ANXA1: variants seen among roughly 807,000 people sequenced by gnomAD.
ANXA1 encodes the protein annexin I (lipocortin I).
A neutral mutation model predicts 47.9 loss-of-function variants in ANXA1; 39 were observed. The observed-to-expected ratio is 0.81, with a 90% CI of 0.63 to 1.06. ANXA1 has a LOEUF of 1.06. Among genes scored for constraint, ANXA1 ranks in the 50% least tolerant of loss-of-function variants. The pLI is 0.00. For synonymous variants in ANXA1, 146 were observed against 142.5 expected, an observed-to-expected ratio of 1.02 and a Z score of -0.17; for missense variants, 446 against 422.7, an observed-to-expected ratio of 1.06 and a Z score of -0.48.
chr9:73,158,878 C>T, intron 3 of ANXA1, 75 bp downstream of exon 3: 1 of 1,140,930 alleles, frequency 8.8e-7, no homozygotes, highest in East Asian at 2.4e-5. Context: ...AAAAAACAGA[C>T]ATGTGCAATG....
Position 73,166,178 on chromosome 9 carries a change from G to C in ANXA1, c.788G>C (p.Cys263Ser). 2 of 1,611,390 alleles carry C rather than the reference G, an allele frequency of 1.2e-6. No individual in the cohort carries two copies. The highest frequency in any genetic ancestry group is 2.2e-5 in the South Asian group (2 of 90,872). Reference sequence around the variant, plus strand: ...GAGTTGAAAGGTGACATTGAGAAATGCCTCACAGCTATCGGTATGTAGTCC... The same window carrying C: ...GAGTTGAAAGGTGACATTGAGAAATCCCTCACAGCTATCGGTATGTAGTCC... ...DLELKGDIEK[C>S]LTAIVKCATS... The change falls in exon 10 of 13, where the codon TGC becomes TCC. Residue 263 changes from cysteine to serine, a missense_variant. Transcript: ENST00000257497.
intron 9 of ANXA1, chr9:73,165,677 C>T (rs1030978877): frequency 2.4e-5 from 4 of 165,046 alleles, no homozygotes; most frequent in East Asian, 1.8e-4. Flanking sequence ...GAAGTGAAGG[C>T]GATGGAAAAG....
chr9:73,156,171 A>AAAAT lies in ANXA1; in HGVS notation c.-14-2340_-14-2337dup, dbSNP rs965949579. On this transcript the variant is annotated intron_variant, in intron 1 of 12. Transcript: ENST00000257497. ...AATATAAATAAATAAATAAATAAAT[A>AAAAT]AAATAAATAAATAATAAAAACATGT... 7.5e-5 allele frequency among the ~76,000 whole-genome samples: 9 copies of AAAAT among 119,920 alleles called. No individual in the cohort carries two copies. In the South Asian group the frequency reaches 7.5e-4, roughly 10 times the overall value. 78.7% of individuals were successfully genotyped at this position (119,920 alleles called of 152,430 possible). A position where few individuals can be genotyped will look rare whatever the true frequency, so the allele number is the denominator to read the frequency against.
chr9:73,153,207 C>A (rs1823997663), intron 1 of ANXA1, among the ~76,000 whole-genome samples: 1 of 152,154 alleles, frequency 6.6e-6, no homozygotes, highest in African/African-American at 2.4e-5. Context: ...AAGGAACCAG[C>A]CAGAGTTTCA....
Position 73,169,155 on chromosome 9 carries a change from G to T in ANXA1, c.984+1G>T. 6.2e-7 allele frequency: 1 copy of T among 1,606,792 alleles called. No homozygotes were observed. The highest frequency in any genetic ancestry group is 8.5e-7 in the Non-Finnish European group (1 of 1,176,932). ...TATCTCCCTTTGCCAAGCCATCCTG[G>T]TATGTTTTGATTCCTCTAATGCCAT... On this transcript the variant is annotated splice_donor_variant, in intron 12 of 12. Coordinates refer to ENST00000257497, the MANE Select transcript of ANXA1 (RefSeq NM_000700.3). LOFTEE classifies it high-confidence loss of function.
intron 4 of ANXA1, 50 bp from the exon 5 acceptor site, chr9:73,160,213 C>A: frequency 7.5e-7 from 1 of 1,326,394 alleles, no homozygotes; most frequent in Non-Finnish European, 1.0e-6. Flanking sequence ...CATTTTTTAA[C>A]CTAGCATGTT....
At chr9:73,169,549 C>G (rs954472435) in intron 12 of ANXA1, among the ~76,000 whole-genome samples, 3 of 151,990 alleles carry the variant, frequency 2.0e-5, no homozygotes, top group African/African-American at 7.2e-5. Context: ...AATTTATGTT[C>G]AAATTGTCTC....
chr9:73,164,863 T>C (rs563035556), intron 8 of ANXA1, among the ~76,000 whole-genome samples: 3 of 152,276 alleles, frequency 2.0e-5, no homozygotes, highest in African/African-American at 7.2e-5. Context: ...GCAATTTAGT[T>C]CAGCAAACAT....
At chr9:73,161,051 A>T (rs550026754) in intron 6 of ANXA1, among the ~76,000 whole-genome samples, 158 bp downstream of exon 6, 8 of 152,280 alleles carry the variant, frequency 5.3e-5, no homozygotes, top group African/African-American at 1.9e-4. Flanking sequence ...AAATGCTGTT[A>T]CCAGGCAACG....
intron 1 of ANXA1, among the ~76,000 whole-genome samples, chr9:73,156,740 T>C (rs926480830): frequency 2.0e-5 from 3 of 152,202 alleles, no homozygotes; most frequent in Non-Finnish European, 2.9e-5. Context: ...GAGTCATTTA[T>C]CTTCATATCA....
At chr9:73,168,905 G>GTGTGTGTGTGTGTC in intron 11 of ANXA1, 127 bp from the exon 12 acceptor site, 1 of 702,838 alleles carries the variant, frequency 1.4e-6, no homozygotes, top group Middle Eastern at 4.4e-4. Context: ...GTGTGTGTGT[G>GTGTGTGTGTGTGTC]TGTGTGTATA....
intron 11 of ANXA1, 121 bp from the exon 12 acceptor site, chr9:73,168,911 G>GTGTGTGTGTGTGTGTC: frequency 1.3e-6 from 1 of 754,074 alleles, no homozygotes; most frequent in South Asian, 1.7e-5. Flanking sequence ...GTGTGTGTGT[G>GTGTGTGTGTGTGTGTC]TATAGCTAGT....
At chr9:73,168,790 T>A in intron 11 of ANXA1, 2 of 301,076 alleles carry the variant, frequency 6.6e-6, no homozygotes, top group African/African-American at 4.4e-5. Context: ...GACCGGATGG[T>A]GAGAGATGAG....
intron 1 of ANXA1, among the ~76,000 whole-genome samples, chr9:73,157,225 G>A (rs1477980470): frequency 6.6e-6 from 1 of 152,124 alleles, no homozygotes; most frequent in East Asian, 1.9e-4. Flanking sequence ...CTTCAATGCT[G>A]AGTACTTTTA....
At chr9:73,157,328 G>C (rs1824063407) in intron 1 of ANXA1, among the ~76,000 whole-genome samples, 1 of 152,078 alleles carries the variant, frequency 6.6e-6, no homozygotes, top group African/African-American at 2.4e-5. Flanking sequence ...GAATTCACTT[G>C]TACAGATTGG....
chr9:73,156,776 C>A (rs1824054703), intron 1 of ANXA1, among the ~76,000 whole-genome samples: 1 of 152,130 alleles, frequency 6.6e-6, no homozygotes, highest in Non-Finnish European at 1.5e-5. Flanking sequence ...CAAGATTGTC[C>A]TCCCAACCTC....
chr9:73,158,390 G>A (rs1824082765), intron 1 of ANXA1, 132 bp from the exon 2 acceptor site: 1 of 668,582 alleles, frequency 1.5e-6, no homozygotes, highest in Non-Finnish European at 2.5e-6. Flanking sequence ...ATGCTCCTAA[G>A]TGTAATTGAT....
chr9:73,155,897 A>T (rs897174444), intron 1 of ANXA1, among the ~76,000 whole-genome samples: 9 of 151,632 alleles, frequency 5.9e-5, no homozygotes, highest in African/African-American at 1.9e-4. Flanking sequence ...TGTAATTAAT[A>T]TACCTTTTCC....
intron 4 of ANXA1, chr9:73,159,934 TA>T (rs1183552275): frequency 5.7e-6 from 1 of 174,938 alleles, no homozygotes; most frequent in African/African-American, 2.4e-5. Context: ...TATATTATTT[TA>T]AAAGTAATTT....
Sources: allele counts gnomAD v4.1 joint callset (sites outside exome capture counted in the v4.1 genomes callset), GRCh38; gene constraint gnomAD v4.1.1; transcripts MANE v1.5; gene names NCBI Gene and HGNC (gene_info 2026-07-23, HGNC 2026-07-21).